Variants in BEND5 observed in about 807,000 individuals in gnomAD.
The protein encoded by BEND5 is BEN domain containing 5.
BEND5 carries 22 observed loss-of-function variants against 43.9 expected under a neutral mutation model. That is an observed-to-expected ratio of 0.50 (90% confidence interval 0.36 to 0.72). The LOEUF is 0.72. Ranked by LOEUF, BEND5 falls within the 30% of genes least tolerant of loss-of-function variation. BEND5 has a pLI of 0.00. For missense variants in BEND5, 428 were observed against 550.6 expected, an observed-to-expected ratio of 0.78 and a Z score of 2.23; for synonymous variants, 228 against 225.9, an observed-to-expected ratio of 1.01 and a Z score of -0.08.
At chr1:48,731,071 A>C (rs1182502582) in intron 5 of BEND5, among the ~76,000 whole-genome samples, 1 of 152,190 alleles carries the variant, frequency 6.6e-6, no homozygotes, top group Non-Finnish European at 1.5e-5. Flanking sequence ...GTGAGCATAA[A>C]GGCTTTTCTA....
At position 48,775,636 on chromosome 1, in the gene BEND5, C is replaced by T. The variant is rs545368544; in HGVS notation, c.226+970G>A. Among the ~76,000 whole-genome samples, 4 of 152,300 alleles carry T rather than the reference C, an allele frequency of 2.6e-5. No individual in the cohort carries two copies. In the East Asian group the frequency reaches 7.7e-4, roughly 29 times the overall value. On this transcript the variant is annotated intron_variant, in intron 1 of 5. Coordinates refer to ENST00000371833, the MANE Select transcript of BEND5 (RefSeq NM_024603.4). ...TTGTCTAGACTCAAACTTTCTGGAA[C>T]TAGCTGGGAAAGAGGGCCAGCTGTC...
intron 2 of BEND5, among the ~76,000 whole-genome samples, chr1:48,760,438 T>C (rs991527369): frequency 2.0e-5 from 3 of 152,218 alleles, no homozygotes; most frequent in African/African-American, 7.2e-5. Flanking sequence ...GACTCTGATA[T>C]TGTGTTACAT....
intron 1 of BEND5, among the ~76,000 whole-genome samples, chr1:48,768,357 C>T (rs1375353720): frequency 6.6e-6 from 1 of 151,994 alleles, no homozygotes; most frequent in East Asian, 1.9e-4. Flanking sequence ...AAATAATGCC[C>T]AAATAGGGTC....
chr1:48,764,546 G>T (rs1453261076), intron 1 of BEND5, among the ~76,000 whole-genome samples: 1 of 152,178 alleles, frequency 6.6e-6, no homozygotes, highest in Non-Finnish European at 1.5e-5. Context: ...AAGCAGGAGG[G>T]AGAGGTGAGA....
At chr1:48,743,921 C>T (rs953442173) in intron 3 of BEND5, among the ~76,000 whole-genome samples, 4 of 152,198 alleles carry the variant, frequency 2.6e-5, no homozygotes, top group Admixed American at 2.0e-4. Context: ...CAGCTGCTAA[C>T]TGAAAGACGA....
In BEND5 at chr1:48,727,753, G is replaced by A. The variant is rs774742360; in HGVS notation, c.*133C>T. The A allele has an allele frequency of 2.9e-5, 23 of 791,416 alleles. No homozygotes were observed. The highest frequency in any genetic ancestry group is 2.7e-4 in the Middle Eastern group (1 of 3,676). The allele number at this position is 791,416 out of a possible 1,614,324, so 49.0% of individuals were successfully genotyped here. On this transcript the variant is annotated 3_prime_UTR_variant, in exon 6 of 6. Coordinates refer to ENST00000371833, the MANE Select transcript of BEND5 (RefSeq NM_024603.4). ...GGAGTGTCCACATTCAGAACAAGCC[G>A]CTGACCCCAGAACCCGATGGATCCC... is the stretch of plus-strand genomic sequence containing the variant.
At chr1:48,733,002 C>A (rs72904826) in intron 5 of BEND5, among the ~76,000 whole-genome samples, 1 of 152,022 alleles carries the variant, frequency 6.6e-6, no homozygotes, top group African/African-American at 2.4e-5. Context: ...GATTTAGAGA[C>A]GAGGAAGTCA....
chr1:48,775,793 G>T (rs1037919818), intron 1 of BEND5, among the ~76,000 whole-genome samples: 1 of 152,214 alleles, frequency 6.6e-6, no homozygotes, highest in Non-Finnish European at 1.5e-5. Context: ...GATGAGACTA[G>T]CTGCCTTAGC....
intron 5 of BEND5, among the ~76,000 whole-genome samples, chr1:48,729,509 C>T (rs770834876): frequency 3.3e-5 from 5 of 152,146 alleles, no homozygotes; most frequent in Non-Finnish European, 1.5e-5. Flanking sequence ...CAAACCAGCT[C>T]AGAACAGGGA....
intron 3 of BEND5, among the ~76,000 whole-genome samples, chr1:48,746,763 G>T (rs189679807): frequency 1.4e-4 from 22 of 152,238 alleles, no homozygotes; most frequent in African/African-American, 5.1e-4. Context: ...TGCAAAATGG[G>T]GATTACCAAA....
At chr1:48,731,162 T>C (rs1206179062) in intron 5 of BEND5, among the ~76,000 whole-genome samples, 1 of 152,116 alleles carries the variant, frequency 6.6e-6, no homozygotes, top group Non-Finnish European at 1.5e-5. Context: ...GCAGACAGCT[T>C]GCATGGGAAG....
chr1:48,763,257 T>C (rs1644367614), intron 1 of BEND5, among the ~76,000 whole-genome samples: 3 of 152,100 alleles, frequency 2.0e-5, no homozygotes, highest in Admixed American at 2.0e-4. Context: ...AATCCTTGGG[T>C]TCCTATTTTC....
chr1:48,742,997 T>A (rs558795689), intron 3 of BEND5, among the ~76,000 whole-genome samples: 1 of 152,264 alleles, frequency 6.6e-6, no homozygotes, highest in East Asian at 1.9e-4. Context: ...CTAATCAAGT[T>A]TGAATGAAGA....
intron 3 of BEND5, among the ~76,000 whole-genome samples, chr1:48,749,800 T>C (rs12731975): frequency 0.99 from 150,543 of 152,346 alleles, 74,394 homozygotes; most frequent in South Asian, 1. Context: ...CAACTATCTG[T>C]GCCCAGAGAG....
chr1:48,737,916 A>G (rs1401567330), intron 4 of BEND5, among the ~76,000 whole-genome samples: 1 of 152,208 alleles, frequency 6.6e-6, no homozygotes, highest in African/African-American at 2.4e-5. Flanking sequence ...TCTAAGGGAC[A>G]TGAGAAGGAC....
chr1:48,736,382 G>A lies in BEND5; in HGVS notation c.965C>T (p.Ser322Phe). 6.2e-7 allele frequency: 1 copy of A among 1,614,062 alleles called. No individual in the cohort carries two copies. Among genetic ancestry groups the A allele is most frequent in the Non-Finnish European group, 8.5e-7 (1 of 1,180,008 alleles). ...WHQLQVTQGD[S>F]KYTKNLAVMI... ...AACTGCCAAGTTCTTCGTGTACTTG[G>A]AATCTCCTTGGGTTACTTGTAGCTG... The change falls in exon 5 of 6, where the codon TCC (serine) becomes TTC (phenylalanine). Residue 322 changes from serine to phenylalanine, a missense_variant. Ser to Phe is a radical substitution (Grantham distance 155, BLOSUM62 -2). Coordinates refer to ENST00000371833, the MANE Select transcript of BEND5 (RefSeq NM_024603.4). This position sits in a 1 kb window ranked among gnomAD's most constrained non-coding sequence, Gnocchi z 4.0.
rs758098183 is a variant in BEND5 at position 48,736,415 on chromosome 1, T to C, written c.932A>G (p.Lys311Arg). The part of the protein sequence containing the change: ...LGSGIWVDEE[K>R]WHQLQVTQGD... Reference sequence around the variant, plus strand: ...TTGGGTTACTTGTAGCTGGTGCCATTTCTCCTCATCAACCCAAATCCCGCT... The same window carrying C: ...TTGGGTTACTTGTAGCTGGTGCCATCTCTCCTCATCAACCCAAATCCCGCT... The change falls in exon 5 of 6, where the codon AAA becomes AGA. Residue 311 changes from lysine (K) to arginine (R), a missense_variant. By Grantham distance (26) the Lys-to-Arg change is conservative (BLOSUM62 2). This residue lies in a region of BEND5 where 75 missense variants were observed against 148.5 expected (regional missense o/e 0.50). Coordinates refer to ENST00000371833, the MANE Select transcript of BEND5 (RefSeq NM_024603.4). This position sits in a 1 kb window ranked among gnomAD's most constrained non-coding sequence, Gnocchi z 4.0. 2 of 1,614,160 alleles carry C rather than the reference T, an allele frequency of 1.2e-6. No homozygotes were observed. Among genetic ancestry groups the C allele is most frequent in the East Asian group, 4.5e-5 (2 of 44,874 alleles).
intron 1 of BEND5, among the ~76,000 whole-genome samples, chr1:48,767,374 T>C (rs902466583): frequency 6.6e-6 from 1 of 152,228 alleles, no homozygotes; most frequent in African/African-American, 2.4e-5. Context: ...TATTACCTGT[T>C]TGCCTTTTGT....
intron 1 of BEND5, among the ~76,000 whole-genome samples, chr1:48,771,009 A>G (rs1052990463): frequency 6.6e-6 from 1 of 152,196 alleles, no homozygotes; most frequent in African/African-American, 2.4e-5. Flanking sequence ...CTTGGGTAAA[A>G]CAAAAATCTC....
Sources: allele counts gnomAD v4.1 joint callset (sites outside exome capture counted in the v4.1 genomes callset), GRCh38; gene constraint gnomAD v4.1.1; regional missense constraint gnomAD v4.1.1; non-coding constraint Gnocchi (gnomAD v3.1); transcripts MANE v1.5; gene names NCBI Gene and HGNC (gene_info 2026-07-23, HGNC 2026-07-21).